Variants in DDO observed in about 807,000 individuals in gnomAD.
The protein encoded by DDO is D-aspartate oxidase.
In DDO, 16 loss-of-function variants were observed where a neutral mutation model predicts 16.8. The ratio of observed to expected loss-of-function variants is 0.95; its 90% CI spans 0.65 to 1.45. The LOEUF is 1.45. DDO is among the 40% of genes most tolerant of loss of function. The probability of loss-of-function intolerance (pLI) is 0.00; values close to 1 mark genes in which losing one functional copy is unlikely to be tolerated. For synonymous variants in DDO, 180 were observed against 167.2 expected, an observed-to-expected ratio of 1.08 and a Z score of -0.59; for missense variants, 429 against 420.3, an observed-to-expected ratio of 1.02 and a Z score of -0.18.
chr6:110,407,047 C>T (rs1001277441), intron 3 of DDO, among the ~76,000 whole-genome samples: 1 of 152,184 alleles, frequency 6.6e-6, no homozygotes, highest in Non-Finnish European at 1.5e-5. Flanking sequence ...CTAAATTGCT[C>T]ACTGCTATAT....
At chr6:110,396,813 A>C (rs1773306345) in intron 4 of DDO, among the ~76,000 whole-genome samples, 2 of 152,206 alleles carry the variant, frequency 1.3e-5, no homozygotes, top group South Asian at 4.1e-4. Flanking sequence ...AAGAATAACC[A>C]ATTTAGAAGC....
Position 110,409,492 on chromosome 6 carries a change from T to C in DDO, c.173-1050A>G, listed in dbSNP as rs1016716611. Among the ~76,000 whole-genome samples, 9 of 152,158 alleles carry C rather than the reference T, an allele frequency of 5.9e-5. No homozygotes were observed. In the South Asian group the frequency reaches 6.2e-4, roughly 11 times the overall value. On this transcript the variant is annotated intron_variant, in intron 2 of 4. Transcript: ENST00000368924. ...GTGTCCCTGAAATTCAAGGAACAGA[T>C]AGAAAGATCTTTGGAGACATCCTGC...
At chr6:110,391,228 C>T (rs566473996), downstream of DDO, among the ~76,000 whole-genome samples, 1 of 152,320 alleles carries the variant, frequency 6.6e-6, no homozygotes, top group South Asian at 2.1e-4. Flanking sequence ...AGAGCTTTCT[C>T]TTTCCCACAC....
intron 2 of DDO, among the ~76,000 whole-genome samples, chr6:110,408,758 G>T (rs1318917454): frequency 6.6e-6 from 1 of 152,200 alleles, no homozygotes; most frequent in Non-Finnish European, 1.5e-5. Context: ...ATATTCCAGA[G>T]GTCCTTGGCA....
chr6:110,400,652 C>A (rs961314588), intron 4 of DDO, among the ~76,000 whole-genome samples: 1 of 152,224 alleles, frequency 6.6e-6, no homozygotes, highest in Non-Finnish European at 1.5e-5. Flanking sequence ...CCCTCTCTCC[C>A]AGGAGGAGTT....
chr6:110,414,621 C>T (rs1773984576), intron 1 of DDO, among the ~76,000 whole-genome samples: 1 of 152,254 alleles, frequency 6.6e-6, no homozygotes, highest in African/African-American at 2.4e-5. Context: ...TGGCTTTCCC[C>T]ATCTGTTCCT....
intron 4 of DDO, among the ~76,000 whole-genome samples, chr6:110,397,744 C>T (rs1173366017): frequency 1.3e-5 from 2 of 152,216 alleles, no homozygotes; most frequent in Non-Finnish European, 2.9e-5. Context: ...CCTTGTCAGG[C>T]TTCCTGTGCT....
chr6:110,393,784 A>G (rs886488630), intron 4 of DDO, among the ~76,000 whole-genome samples: 3 of 152,172 alleles, frequency 2.0e-5, no homozygotes, highest in African/African-American at 4.8e-5. Context: ...TGGTCTCCCT[A>G]ACTAAAAGGT....
In DDO at chr6:110,403,690, A is replaced by T. The variant is rs941750272; in HGVS notation, c.458+1084T>A. Among the ~76,000 whole-genome samples, 15 of 152,228 alleles carry T rather than the reference A, an allele frequency of 9.9e-5. 1 individual carries two copies. Among genetic ancestry groups the T allele is most frequent in the Non-Finnish European group, 1.5e-5 (1 of 68,040 alleles). Reference sequence around the variant, plus strand: ...GATGCCACTGACATGTGCCTAGCAGATCTAGGCTTCCTCCTTTCTGCTCCC... The same window carrying T: ...GATGCCACTGACATGTGCCTAGCAGTTCTAGGCTTCCTCCTTTCTGCTCCC... On this transcript the variant is annotated intron_variant, in intron 4 of 4. Coordinates refer to ENST00000368924, the MANE Select transcript of DDO (RefSeq NM_001372108.2).
chr6:110,414,874 T>C (rs1272544022), intron 1 of DDO, among the ~76,000 whole-genome samples: 2 of 152,246 alleles, frequency 1.3e-5, no homozygotes, highest in African/African-American at 4.8e-5. Context: ...ACCTTTCCTC[T>C]GGAAGGCTGG....
chr6:110,398,429 T>TACAAAAACACACCA (rs1222174948), intron 4 of DDO, among the ~76,000 whole-genome samples: 3 of 144,862 alleles, frequency 2.1e-5, no homozygotes, highest in African/African-American at 7.9e-5. Context: ...CACACACACT[T>TACAAAAACACACCA]GGCCTCCCAG....
intron 4 of DDO, among the ~76,000 whole-genome samples, chr6:110,394,984 C>T (rs1242403595): frequency 1.3e-5 from 2 of 152,120 alleles, no homozygotes; most frequent in Non-Finnish European, 2.9e-5. Context: ...TGCCCCACAC[C>T]AAGTGGACTG....
chr6:110,392,644 T>C lies in DDO; in HGVS notation c.*131A>G. On this transcript the variant is annotated 3_prime_UTR_variant, in exon 5 of 5. Coordinates refer to ENST00000368924, the MANE Select transcript of DDO (RefSeq NM_001372108.2). ...GGCATGCCACCGTGCTCAGCTTACA[T>C]GTTACACCACTTCTAATGTTGAAAA... 1 of 1,389,882 alleles carries C rather than the reference T, an allele frequency of 7.2e-7. No homozygotes were observed. Among genetic ancestry groups the C allele is most frequent in the Non-Finnish European group, 9.3e-7 (1 of 1,075,982 alleles). The allele number at this position is 1,389,882 out of a possible 1,614,324, so 86.1% of individuals were successfully genotyped here. A position where few individuals can be genotyped will look rare whatever the true frequency, so the allele number is the denominator to read the frequency against.
At chr6:110,399,985 G>A (rs528005083) in intron 4 of DDO, among the ~76,000 whole-genome samples, 2 of 152,212 alleles carry the variant, frequency 1.3e-5, no homozygotes, top group Non-Finnish European at 2.9e-5. Flanking sequence ...GGGAGGCGGC[G>A]TATTCCCAGG....
At chr6:110,397,087 A>C (rs1024977553) in intron 4 of DDO, among the ~76,000 whole-genome samples, 1 of 152,196 alleles carries the variant, frequency 6.6e-6, no homozygotes, top group African/African-American at 2.4e-5. Context: ...CTAAACTTTA[A>C]TCTTATATCC....
intron 2 of DDO, among the ~76,000 whole-genome samples, chr6:110,412,496 C>T (rs989481300): frequency 6.6e-6 from 1 of 152,176 alleles, no homozygotes; most frequent in Non-Finnish European, 1.5e-5. Flanking sequence ...CTTCCGGGAA[C>T]TATAGAATCA....
In DDO at chr6:110,404,817, G is replaced by A; in HGVS notation, c.415C>T (p.Leu139=). 1 of 1,614,172 alleles carries A rather than the reference G, an allele frequency of 6.2e-7. No individual in the cohort carries two copies. The change falls in exon 4 of 5, where the codon CTG becomes TTG. Residue 139 remains leucine, a synonymous_variant. Coordinates refer to ENST00000368924, the MANE Select transcript of DDO (RefSeq NM_001372108.2). ...AGGTAGGCAGGGCATTCACATTTCA[G>A]GGTTGTAAAAGCCTGACCAAACACA... ...QYVFGQAFTT[L]KCECPAYLPW...
At chr6:110,410,943 T>C (rs995616642) in intron 2 of DDO, among the ~76,000 whole-genome samples, 6 of 152,058 alleles carry the variant, frequency 3.9e-5, no homozygotes, top group African/African-American at 1.4e-4. Context: ...AAAAGATATG[T>C]CTATTCTTTC....
intron 4 of DDO, among the ~76,000 whole-genome samples, chr6:110,403,274 T>G (rs567454884): frequency 7.4e-4 from 112 of 152,326 alleles, no homozygotes; most frequent in African/African-American, 2.6e-3. Context: ...TTTATTTTAT[T>G]TTATTCTGGA....
Sources: allele counts gnomAD v4.1 joint callset (sites outside exome capture counted in the v4.1 genomes callset), GRCh38; gene constraint gnomAD v4.1.1; transcripts MANE v1.5; gene names NCBI Gene and HGNC (gene_info 2026-07-23, HGNC 2026-07-21).